The following ATP8A1 variants were observed in gnomAD, a reference collection of about 807,000 sequenced individuals.
ATP8A1 encodes ATPase phospholipid transporting 8A1.
Under a neutral mutation model 177.7 loss-of-function variants are expected in ATP8A1, and 90 were observed. The observed-to-expected ratio is 0.51, with a 90% CI of 0.43 to 0.60. The LOEUF is 0.60. ATP8A1 is among the 20% of genes least tolerant of loss of function. ATP8A1 has a pLI of 0.00. For missense variants in ATP8A1, 1,072 were observed against 1,392.8 expected (o/e 0.77, Z 3.67); for synonymous variants, 493 against 485.9 (o/e 1.01, Z -0.19).
chr4:42,589,898 A>G (rs1733989314), intron 7 of ATP8A1, among the ~76,000 whole-genome samples: 1 of 151,848 alleles, frequency 6.6e-6, no homozygotes, highest in Admixed American at 6.6e-5. Context: ...TTAAATGGCT[A>G]GGAAGTTAGG....
rs765054539 is a variant in ATP8A1 at position 42,600,482 on chromosome 4, T to C, written c.446A>G (p.Glu149Gly). 3.7e-6 allele frequency: 6 copies of C among 1,610,894 alleles called. No individual in the cohort carries two copies. In the African/African-American group the frequency reaches 6.7e-5, roughly 18 times the overall value. ...AAAATAAAAATCAGTGCATACCTTTTCCCAGTGGACAATTTCCCAAGCACC... is the reference window on the plus strand; with the variant it reads ...AAAATAAAAATCAGTGCATACCTTTCCCCAGTGGACAATTTCCCAAGCACC... ...RNGAWEIVHW[E>G]KVAVGEIVKV... The change falls in exon 6 of 37, where the codon GAA (glutamate) becomes GGA (glycine). Residue 149 changes from glutamate to glycine, a missense_variant. Glu to Gly is a moderately conservative substitution (Grantham distance 98). Transcript: ENST00000381668.
Position 42,574,722 on chromosome 4 carries a change from A to C in ATP8A1, c.1207-15T>G, listed in dbSNP as rs766876401. 1.9e-6 allele frequency: 3 copies of C among 1,558,028 alleles called. No individual in the cohort carries two copies. In the Admixed American group the frequency reaches 5.8e-5, roughly 30 times the overall value. On this transcript the variant is annotated splice_polypyrimidine_tract_variant and intron_variant, in intron 13 of 36. Coordinates refer to ENST00000381668, the MANE Select transcript of ATP8A1 (RefSeq NM_006095.2). ...ATGTATTTAACCTAAAAAAGTTTAA[A>C]ATTTCTCATTAATATTTTGAAAGTC...
intron 25 of ATP8A1, among the ~76,000 whole-genome samples, chr4:42,473,954 CAG>C (rs774231276): frequency 6.6e-6 from 1 of 152,016 alleles, no homozygotes; most frequent in South Asian, 2.1e-4. Context: ...ATGCACAGCC[CAG>C]AGCTTGTTTA....
At chr4:42,423,467 C>T (rs1239824775) in intron 34 of ATP8A1, 150 bp downstream of exon 34, 2 of 454,028 alleles carry the variant, frequency 4.4e-6, no homozygotes, top group Non-Finnish European at 7.7e-6. Flanking sequence ...TTTTCTAGTT[C>T]CTGAATCACC....
In ATP8A1 at chr4:42,602,288, C is replaced by T. The variant is rs544400581; in HGVS notation, c.410-1770G>A. Among the ~76,000 whole-genome samples the T allele has an allele frequency of 1.5e-3, 229 of 152,274 alleles. 3 individuals are homozygous for T. In the South Asian group the frequency reaches 0.017, roughly 11 times the overall value. ...GATCCTGAAACACAAGACTCTAATGCCTGCAGAGCTCACCCAAACTGATCC... is the reference window on the plus strand; with the variant it reads ...GATCCTGAAACACAAGACTCTAATGTCTGCAGAGCTCACCCAAACTGATCC... On this transcript the variant is annotated intron_variant, in intron 5 of 36. Coordinates refer to ENST00000381668, the MANE Select transcript of ATP8A1 (RefSeq NM_006095.2).
chr4:42,500,677 G>A (rs1395758924), intron 24 of ATP8A1, among the ~76,000 whole-genome samples: 2 of 152,144 alleles, frequency 1.3e-5, no homozygotes, highest in Admixed American at 6.5e-5. Flanking sequence ...GCTTTTGGAC[G>A]ACATTCTAGC....
intron 22 of ATP8A1, among the ~76,000 whole-genome samples, chr4:42,515,943 T>C (rs1444214140): frequency 6.6e-6 from 1 of 152,240 alleles, no homozygotes; most frequent in Admixed American, 6.5e-5. Context: ...TTTTCTAACA[T>C]ACCCCTAAAT....
chr4:42,637,016 C>T (rs1739462499), intron 1 of ATP8A1, among the ~76,000 whole-genome samples: 1 of 152,184 alleles, frequency 6.6e-6, no homozygotes, highest in Non-Finnish European at 1.5e-5. Flanking sequence ...GGAGTCTTGA[C>T]AGAATCATTT....
At chr4:42,552,423 G>A in intron 17 of ATP8A1, 82 bp downstream of exon 17, 1 of 1,153,244 alleles carries the variant, frequency 8.7e-7, no homozygotes, top group Middle Eastern at 1.9e-4. Flanking sequence ...ACTCAATTTG[G>A]CTATCTTTTT....
At chr4:42,478,521 A>G (rs1721321785) in intron 25 of ATP8A1, among the ~76,000 whole-genome samples, 1 of 152,088 alleles carries the variant, frequency 6.6e-6, no homozygotes, top group Non-Finnish European at 1.5e-5. Flanking sequence ...ATTTTTTCTA[A>G]GGTGAAATAG....
In ATP8A1 at chr4:42,412,825, G is replaced by C. The variant is rs1276598229; in HGVS notation, c.*91C>G. 1 of 1,036,640 alleles carries C rather than the reference G, an allele frequency of 9.6e-7. No individual in the cohort carries two copies. The highest frequency in any genetic ancestry group is 1.5e-6 in the Non-Finnish European group (1 of 680,388). 64.2% of individuals were successfully genotyped at this position (1,036,640 alleles called of 1,614,324 possible). A position where few individuals can be genotyped will look rare whatever the true frequency, so the allele number is the denominator to read the frequency against. On this transcript the variant is annotated 3_prime_UTR_variant, in exon 37 of 37. Transcript: ENST00000381668. ...GCTCAGATCTACCTTTCCTCTTCAT[G>C]GACCAGACTGGAATTGGTTAGCAGA... is the stretch of plus-strand genomic sequence containing the variant.
intron 4 of ATP8A1, 44 bp from the exon 5 acceptor site, chr4:42,616,122 AG>A: frequency 1.3e-6 from 2 of 1,538,058 alleles, no homozygotes; most frequent in Non-Finnish European, 1.8e-6. Context: ...AATGTGAATA[AG>A]ATTACTAAAA....
intron 30 of ATP8A1, among the ~76,000 whole-genome samples, chr4:42,448,500 C>T (rs1717551975): frequency 6.7e-6 from 1 of 150,222 alleles, no homozygotes; most frequent in Non-Finnish European, 1.5e-5. Flanking sequence ...TGGGTTCAAG[C>T]AATTCTCCTG....
intron 25 of ATP8A1, among the ~76,000 whole-genome samples, chr4:42,468,035 T>G (rs1170098648): frequency 6.6e-6 from 1 of 152,078 alleles, no homozygotes; most frequent in Non-Finnish European, 1.5e-5. Context: ...CGATACCACC[T>G]TACTCCTGCA....
At chr4:42,420,063 T>C (rs540038050) in intron 35 of ATP8A1, among the ~76,000 whole-genome samples, 3 of 152,202 alleles carry the variant, frequency 2.0e-5, no homozygotes, top group Non-Finnish European at 4.4e-5. Flanking sequence ...CTGAAATCAA[T>C]GTCATTCTCC....
intron 33 of ATP8A1, among the ~76,000 whole-genome samples, chr4:42,442,919 A>G (rs1297904762): frequency 6.6e-6 from 1 of 152,188 alleles, no homozygotes; most frequent in Non-Finnish European, 1.5e-5. Flanking sequence ...TGCAATTGAA[A>G]TCATAAACCC....
intron 27 of ATP8A1, among the ~76,000 whole-genome samples, chr4:42,460,817 T>A (rs1719049451): frequency 6.6e-6 from 1 of 151,658 alleles, no homozygotes; most frequent in Non-Finnish European, 1.5e-5. Context: ...TTGACAGGAG[T>A]GGGAGAATGA....
intron 15 of ATP8A1, among the ~76,000 whole-genome samples, chr4:42,565,210 T>C (rs1731237382): frequency 6.6e-6 from 1 of 152,336 alleles, no homozygotes; most frequent in South Asian, 2.1e-4. Context: ...ACTCAACATC[T>C]TTCTAAAGGC....
intron 16 of ATP8A1, among the ~76,000 whole-genome samples, chr4:42,555,194 CT>C (rs1166423688): frequency 8.0e-6 from 1 of 124,312 alleles, no homozygotes; most frequent in Non-Finnish European, 1.7e-5. Flanking sequence ...ATCTATCTAT[CT>C]ATCCTATTAG....
Sources: allele counts gnomAD v4.1 joint callset (sites outside exome capture counted in the v4.1 genomes callset), GRCh38; gene constraint gnomAD v4.1.1; transcripts MANE v1.5; gene names NCBI Gene and HGNC (gene_info 2026-07-23, HGNC 2026-07-21).